The following COL4A2 variants were observed in gnomAD, a reference collection of about 807,000 sequenced individuals.
COL4A2 encodes collagen alpha-2(IV) chain.
COL4A2 carries 99 observed loss-of-function variants against 200.2 expected under a neutral mutation model. That is an observed-to-expected ratio of 0.49 (90% confidence interval 0.42 to 0.58). The LOEUF (loss-of-function observed/expected upper bound fraction) is 0.58. COL4A2 is among the 20% of genes least tolerant of loss of function. The pLI is 0.00. For synonymous variants in COL4A2, 897 were observed against 900.6 expected (o/e 1.00, Z 0.07); for missense variants, 1,950 against 2,314.1 (o/e 0.84, Z 3.23).
chr13:110,387,436 T>C (rs1566506535), intron 4 of COL4A2, among the ~76,000 whole-genome samples: 1 of 152,184 alleles, frequency 6.6e-6, no homozygotes, highest in Admixed American at 6.5e-5. Flanking sequence ...GGCGCTTCCA[T>C]GTGGGTGTTT....
intron 4 of COL4A2, among the ~76,000 whole-genome samples, chr13:110,405,456 C>T (rs2139434315): frequency 6.6e-6 from 1 of 152,118 alleles, no homozygotes; most frequent in South Asian, 2.1e-4. Flanking sequence ...CCTTCCTGCC[C>T]CTTCTGGCTT....
At chr13:110,338,518 C>T (rs1032438070) in intron 3 of COL4A2, among the ~76,000 whole-genome samples, 6 of 152,150 alleles carry the variant, frequency 3.9e-5, no homozygotes, top group African/African-American at 1.2e-4. Context: ...TCTACTAGAG[C>T]AGGAGGGAGC....
intron 6 of COL4A2, among the ~76,000 whole-genome samples, chr13:110,427,262 G>A (rs955698667): frequency 6.6e-5 from 10 of 152,140 alleles, no homozygotes; most frequent in Non-Finnish European, 1.5e-4. Flanking sequence ...CAATTCTCAT[G>A]GCTTATCCTC....
chr13:110,308,257 C>G, intron 3 of COL4A2, 134 bp downstream of exon 3: 1 of 982,804 alleles, frequency 1.0e-6, no homozygotes, highest in Non-Finnish European at 1.5e-6. Context: ...GGCTGCCCAC[C>G]AAGGTTCTGA....
intron 4 of COL4A2, among the ~76,000 whole-genome samples, chr13:110,382,287 A>G (rs968325096): frequency 6.6e-6 from 1 of 152,248 alleles, no homozygotes; most frequent in Non-Finnish European, 1.5e-5. Flanking sequence ...CTTGTTGATT[A>G]GCCAATTAGA....
At chr13:110,384,035 T>C (rs1212015163) in intron 4 of COL4A2, among the ~76,000 whole-genome samples, 1 of 152,214 alleles carries the variant, frequency 6.6e-6, no homozygotes, top group Non-Finnish European at 1.5e-5. Flanking sequence ...GTAAATGGCA[T>C]CTGCCAGACT....
intron 20 of COL4A2, chr13:110,456,429 A>G (rs758339203): frequency 1.4e-5 from 4 of 278,478 alleles, no homozygotes; most frequent in Non-Finnish European, 2.8e-5. Flanking sequence ...TTTGGGGGGG[A>G]ACCAGAAGTG....
chr13:110,488,958 A>G (rs967326637), intron 34 of COL4A2, among the ~76,000 whole-genome samples: 1 of 152,192 alleles, frequency 6.6e-6, no homozygotes, highest in Non-Finnish European at 1.5e-5. Context: ...GGCCAGGTGC[A>G]GTGGCTCACG....
At chr13:110,366,715 A>G (rs538025829) in intron 4 of COL4A2, among the ~76,000 whole-genome samples, 1 of 152,304 alleles carries the variant, frequency 6.6e-6, no homozygotes, top group East Asian at 1.9e-4. Flanking sequence ...AATCAGAAGG[A>G]CATGGTTAGT....
At chr13:110,373,388 G>A (rs1878099901) in intron 4 of COL4A2, among the ~76,000 whole-genome samples, 1 of 152,194 alleles carries the variant, frequency 6.6e-6, no homozygotes, top group Non-Finnish European at 1.5e-5. Flanking sequence ...CCTTCAGAGG[G>A]CATCTATGGT....
intron 39 of COL4A2, among the ~76,000 whole-genome samples, chr13:110,493,870 C>T (rs1351303460): frequency 1.3e-5 from 2 of 152,126 alleles, no homozygotes; most frequent in Non-Finnish European, 2.9e-5. Context: ...GGGAGAGCAC[C>T]CGCTCTCCCC....
intron 4 of COL4A2, among the ~76,000 whole-genome samples, chr13:110,383,320 G>A (rs1362891960): frequency 1.3e-5 from 2 of 152,132 alleles, no homozygotes; most frequent in African/African-American, 4.8e-5. Context: ...AAGGAAGAGA[G>A]GGAAAAAACA....
intron 28 of COL4A2, among the ~76,000 whole-genome samples, chr13:110,469,904 G>GCC: frequency 1.8e-5 from 1 of 55,668 alleles, no homozygotes; most frequent in South Asian, 6.3e-4. Context: ...GGGCATACAC[G>GCC]TCTTTTTTTT....
intron 22 of COL4A2, among the ~76,000 whole-genome samples, chr13:110,460,212 C>T (rs1370715933): frequency 2.0e-5 from 3 of 152,154 alleles, no homozygotes; most frequent in Admixed American, 6.5e-5. Flanking sequence ...ACCGCAGCCC[C>T]GCAGAGCTGT....
At chr13:110,338,513 T>C (rs1000978373) in intron 3 of COL4A2, among the ~76,000 whole-genome samples, 6 of 152,110 alleles carry the variant, frequency 3.9e-5, no homozygotes, top group Non-Finnish European at 7.4e-5. Flanking sequence ...ATAATTCTAC[T>C]AGAGCAGGAG....
At chr13:110,347,878 G>T (rs1372286767) in intron 3 of COL4A2, among the ~76,000 whole-genome samples, 2 of 152,252 alleles carry the variant, frequency 1.3e-5, no homozygotes, top group African/African-American at 4.8e-5. Context: ...AAAACACGGG[G>T]CTTGTTGCCG....
At chr13:110,501,350 G>A (rs1883632923) in intron 40 of COL4A2, among the ~76,000 whole-genome samples, 1 of 152,192 alleles carries the variant, frequency 6.6e-6, no homozygotes, top group Non-Finnish European at 1.5e-5. Context: ...GCCTCGCCTG[G>A]TGCTGAGGCT....
rs375316442 is a variant in COL4A2 at position 110,430,620 on chromosome 13, A to G, written c.648+13A>G. Reference sequence around the variant, plus strand: ...TCCAGGGAGACCAGTAAGTACCTGGACACAGGTGCCCACTCTGGGACCATC... The same window carrying G: ...TCCAGGGAGACCAGTAAGTACCTGGGCACAGGTGCCCACTCTGGGACCATC... On this transcript the variant is annotated intron_variant, in intron 10 of 47. Coordinates refer to ENST00000360467, the MANE Select transcript of COL4A2 (RefSeq NM_001846.4). The G allele has an allele frequency of 5.6e-5, 91 of 1,614,000 alleles. No individual in the cohort carries two copies. Among genetic ancestry groups the G allele is most frequent in the Non-Finnish European group, 6.9e-5 (81 of 1,179,970 alleles).
At chr13:110,358,531 A>G (rs562201188) in intron 4 of COL4A2, among the ~76,000 whole-genome samples, 1 of 152,278 alleles carries the variant, frequency 6.6e-6, no homozygotes, top group Non-Finnish European at 1.5e-5. Flanking sequence ...CTTGTCACCA[A>G]GTGTCATACA....
Sources: allele counts gnomAD v4.1 joint callset (sites outside exome capture counted in the v4.1 genomes callset), GRCh38; gene constraint gnomAD v4.1.1; transcripts MANE v1.5; gene names NCBI Gene and HGNC (gene_info 2026-07-23, HGNC 2026-07-21).